WFDC10B: variants seen among roughly 807,000 people sequenced by gnomAD.
WFDC10B encodes protein WFDC10B.
Under a neutral mutation model 2.7 loss-of-function variants are expected in WFDC10B, and 1 was observed. The observed-to-expected ratio is 0.38, with a 90% CI of 0.13 to 1.79. The LOEUF (loss-of-function observed/expected upper bound fraction) is 1.79. Ranked by LOEUF, WFDC10B falls within the 40% of genes most tolerant of loss-of-function variation. The pLI is 0.33. For missense variants in WFDC10B, 71 were observed against 87.8 expected (o/e 0.81, Z 0.76); for synonymous variants, 26 against 32.2 (o/e 0.81, Z 0.65).
intron 2 of WFDC10B, among the ~76,000 whole-genome samples, chr20:45,693,960 C>A (rs1027402320): frequency 2.3e-4 from 33 of 145,376 alleles, no homozygotes; most frequent in Admixed American, 3.5e-4. Flanking sequence ...TGTTCCTATT[C>A]AGCCATCTTG....
At chr20:45,698,927 C>T (rs1302864961) in intron 2 of WFDC10B, among the ~76,000 whole-genome samples, 1 of 147,016 alleles carries the variant, frequency 6.8e-6, no homozygotes, top group African/African-American at 2.5e-5. Flanking sequence ...GAGATCACAC[C>T]ACTGCACTCC....
At chr20:45,699,943 C>A (rs1237529024) in intron 2 of WFDC10B, among the ~76,000 whole-genome samples, 2 of 152,234 alleles carry the variant, frequency 1.3e-5, no homozygotes, top group African/African-American at 4.8e-5. Flanking sequence ...TCCCAAAGTG[C>A]TGGGATTACA....
intron 2 of WFDC10B, among the ~76,000 whole-genome samples, chr20:45,693,245 G>A (rs6073859): frequency 0.15 from 23,134 of 152,126 alleles, 2,008 homozygotes; most frequent in East Asian, 0.32. Flanking sequence ...CTACTGGGGG[G>A]TGCCTCCCAG....
At position 45,693,580 on chromosome 20, in the gene WFDC10B, G is replaced by A. The variant is rs550571014; in HGVS notation, c.-64-7524C>T. On this transcript the variant is annotated intron_variant, in intron 2 of 3. Transcript: ENST00000330523. ...GCTGCCGCCTTGCTGTTTGATCTCC[G>A]ACTGCTGTGCTAGCAATCAGCGAGA... Among the ~76,000 whole-genome samples the A allele has an allele frequency of 5.1e-4, 77 of 152,192 alleles. No homozygotes were observed. In the Middle Eastern group the frequency reaches 0.014, roughly 27 times the overall value.
At chr20:45,693,815 C>T (rs879124228) in intron 2 of WFDC10B, among the ~76,000 whole-genome samples, 78 of 152,350 alleles carry the variant, frequency 5.1e-4, no homozygotes, top group Middle Eastern at 3.4e-3. Flanking sequence ...CTTCGGCTTG[C>T]GCACGGTGCG....
intron 2 of WFDC10B, among the ~76,000 whole-genome samples, chr20:45,699,954 G>A (rs1267561785): frequency 1.3e-5 from 2 of 152,222 alleles, no homozygotes; most frequent in Non-Finnish European, 2.9e-5. Flanking sequence ...TGGGATTACA[G>A]GCGTGAGCCA....
At position 45,692,529 on chromosome 20, in the gene WFDC10B, T is replaced by C. The variant is rs147869222; in HGVS notation, c.-64-6473A>G. Reference sequence around the variant, plus strand: ...GTCCCATATTTCTTGGAGGCTTTGTTCATTTGTTTTTATTCCTTTTTCTCT... The same window carrying C: ...GTCCCATATTTCTTGGAGGCTTTGTCCATTTGTTTTTATTCCTTTTTCTCT... On this transcript the variant is annotated intron_variant, in intron 2 of 3. Coordinates refer to ENST00000330523, the MANE Select transcript of WFDC10B (RefSeq NM_172006.2). 7.3e-4 allele frequency among the ~76,000 whole-genome samples: 111 copies of C among 152,302 alleles called. 1 individual carries two copies. The East Asian group carries it at 0.019, about 26-fold the overall frequency.
At chr20:45,702,241 A>C in intron 2 of WFDC10B, 1 of 1,595,652 alleles carries the variant, frequency 6.3e-7, no homozygotes, top group African/African-American at 1.3e-5. Flanking sequence ...CCAAGGAGGG[A>C]AGTAACATGT....
chr20:45,686,338 T>C (rs1983617257), intron 2 of WFDC10B, among the ~76,000 whole-genome samples: 2 of 152,234 alleles, frequency 1.3e-5, no homozygotes, highest in Non-Finnish European at 2.9e-5. Context: ...AGAAGAAATA[T>C]AATTTTTTAA....
At chr20:45,701,365 G>A (rs6130897) in intron 2 of WFDC10B, among the ~76,000 whole-genome samples, 26,545 of 152,124 alleles carry the variant, frequency 0.17, 2,495 homozygotes, top group East Asian at 0.31. Context: ...TTGTCATGGT[G>A]GAGATTTTTG....
intron 2 of WFDC10B, among the ~76,000 whole-genome samples, chr20:45,693,307 C>A (rs6073860): frequency 0.15 from 23,164 of 152,162 alleles, 2,023 homozygotes; most frequent in East Asian, 0.32. Flanking sequence ...AGGCAGTCTG[C>A]CCATTCTCAG....
At chr20:45,703,647 T>C (rs867248089) in intron 2 of WFDC10B, among the ~76,000 whole-genome samples, 2 of 152,226 alleles carry the variant, frequency 1.3e-5, no homozygotes, top group South Asian at 4.1e-4. Context: ...AAGGAGATTG[T>C]GGGTTGTGGA....
Position 45,686,007 on chromosome 20 carries a change from C to G in WFDC10B, c.-15G>C, listed in dbSNP as rs201298597. 16 of 1,612,984 alleles carry G rather than the reference C, an allele frequency of 9.9e-6. No homozygotes were observed. The highest frequency in any genetic ancestry group is 1.7e-5 in the Admixed American group (1 of 59,766). ...TGGGGTGCCATAACTCTGACCAGAG[C>G]GTGAGCCCTAAGTCTGGCCAGGCAG... is the stretch of plus-strand genomic sequence containing the variant. On this transcript the variant is annotated 5_prime_UTR_variant, in exon 3 of 4. Transcript: ENST00000330523.
intron 2 of WFDC10B, 24 bp downstream of exon 2, chr20:45,704,473 T>C (rs767554948): frequency 5.6e-6 from 9 of 1,613,908 alleles, no homozygotes; most frequent in Admixed American, 1.7e-5. Context: ...ACCCTGCATA[T>C]CAGCACCTGA....
chr20:45,702,151 C>T, intron 2 of WFDC10B: 2 of 1,613,490 alleles, frequency 1.2e-6, no homozygotes, highest in Non-Finnish European at 1.7e-6. Context: ...TCTCCAGTTC[C>T]TGGTGGTGTT....
intron 2 of WFDC10B, among the ~76,000 whole-genome samples, chr20:45,688,264 C>T (rs1369016440): frequency 2.6e-5 from 4 of 151,798 alleles, no homozygotes; most frequent in Non-Finnish European, 4.4e-5. Flanking sequence ...TTTCTTAATC[C>T]AGTCTATCAT....
chr20:45,704,926 G>A lies in WFDC10B; in HGVS notation c.-138C>T, dbSNP rs1378999594. The A allele has an allele frequency of 7.4e-6, 12 of 1,613,988 alleles. No homozygotes were observed. The highest frequency in any genetic ancestry group is 1.7e-5 in the Admixed American group (1 of 60,004). On this transcript the variant is annotated 5_prime_UTR_variant, in exon 1 of 4. Transcript: ENST00000330523. ...TCCCAGGGACACTGTACCTGCAGGT[G>A]TAACCAAAATCCCAAAGCAAAATTT...
Position 45,698,980 on chromosome 20 carries a change from A to AT in WFDC10B, c.-65+5516_-65+5517insA, listed in dbSNP as rs1482439085. 2.3e-4 allele frequency among the ~76,000 whole-genome samples: 31 copies of AT among 135,362 alleles called. No individual in the cohort carries two copies. In the South Asian group the frequency reaches 7.4e-3, roughly 32 times the overall value. The allele number at this position is 135,362 out of a possible 152,430, so 88.8% of individuals were successfully genotyped here. A position where few individuals can be genotyped will look rare whatever the true frequency, so the allele number is the denominator to read the frequency against. Reference sequence around the variant, plus strand: ...GAGAATCCATCTAAAAAAAAAAAAAAGAAGAAGGAGGAGAAGGAGGGGGAG... The same window carrying AT: ...GAGAATCCATCTAAAAAAAAAAAAAATGAAGAAGGAGGAGAAGGAGGGGGAG... On this transcript the variant is annotated intron_variant, in intron 2 of 3. Transcript: ENST00000330523.
At position 45,689,205 on chromosome 20, in the gene WFDC10B, T is replaced by C. The variant is rs561947294; in HGVS notation, c.-64-3149A>G. Among the ~76,000 whole-genome samples, 47 of 151,432 alleles carry C rather than the reference T, an allele frequency of 3.1e-4. 1 individual carries two copies. Among genetic ancestry groups the C allele is most frequent in the African/African-American group, 1.0e-3 (42 of 40,860 alleles). On this transcript the variant is annotated intron_variant, in intron 2 of 3. Transcript: ENST00000330523. ...GTTCTGTTCCATTGATCTATATCTC[T>C]GTTTTGGTACCAGTACCATGCTGTT...
Sources: allele counts gnomAD v4.1 joint callset (sites outside exome capture counted in the v4.1 genomes callset), GRCh38; gene constraint gnomAD v4.1.1; transcripts MANE v1.5; gene names NCBI Gene and HGNC (gene_info 2026-07-23, HGNC 2026-07-21).